The following AP2B1 variants were observed in gnomAD, a reference collection of about 807,000 sequenced individuals.
AP2B1 encodes the protein adaptor related protein complex 2 subunit beta 1.
AP2B1 carries 23 observed loss-of-function variants against 102.0 expected under a neutral mutation model. The observed-to-expected ratio is 0.23, with a 90% CI of 0.16 to 0.32. The LOEUF (loss-of-function observed/expected upper bound fraction) is 0.32, where lower values mean the gene tolerates loss of function less well. Among genes scored for constraint, AP2B1 ranks in the 10% least tolerant of loss-of-function variants. The probability of loss-of-function intolerance (pLI) is 1.00; values close to 1 mark genes in which losing one functional copy is unlikely to be tolerated. For synonymous variants in AP2B1, 381 were observed against 421.2 expected, an observed-to-expected ratio of 0.90 and a Z score of 1.17; for missense variants, 541 against 1,157.4, an observed-to-expected ratio of 0.47 and a Z score of 7.73.
Position 35,626,637 on chromosome 17 carries a change from A to G in AP2B1, c.733A>G (p.Thr245Ala). Residue 245 changes from threonine (T) to alanine (A), a missense_variant, in exon 7 of 22, where the codon ACT becomes GCT. Coordinates refer to ENST00000610402, the MANE Select transcript of AP2B1 (RefSeq NM_001030006.2). ...CACCCTCAGCATCTGTGAGCGGGTA[A>G]CTCCCCGGCTATCCCATGCCAACTC... ...REAQSICERVTPRLSHANSAV... is the reference protein window; with the variant it reads ...REAQSICERVAPRLSHANSAV... The G allele has an allele frequency of 6.2e-7, 1 of 1,612,030 alleles. No homozygotes were observed.
chr17:35,639,469 C>A, intron 10 of AP2B1, 126 bp from the exon 11 acceptor site: 1 of 708,080 alleles, frequency 1.4e-6, no homozygotes, highest in Non-Finnish European at 2.2e-6. Flanking sequence ...ATTCTCTTGA[C>A]TAAAAGCTTT....
chr17:35,708,914 G>A (rs764119463), intron 18 of AP2B1, among the ~76,000 whole-genome samples: 1 of 152,130 alleles, frequency 6.6e-6, no homozygotes, highest in Non-Finnish European at 1.5e-5. Context: ...AACTTAGTAA[G>A]TGGTAGCAGC....
At chr17:35,713,664 A>T (rs2143009728) in intron 20 of AP2B1, 1 of 152,352 alleles carries the variant, frequency 6.6e-6, no homozygotes, top group East Asian at 1.9e-4. Flanking sequence ...TGAGGGCTAC[A>T]GGAAGTCACA....
In AP2B1 at chr17:35,694,427, A is replaced by ATTTTTTTTTTTTTTTT. The variant is rs1555581002; in HGVS notation, c.2454+11609_2454+11610insTTTTTTTTTTTTTTTT. 7.9e-5 allele frequency among the ~76,000 whole-genome samples: 9 copies of ATTTTTTTTTTTTTTTT among 114,546 alleles called. 1 individual carries two copies. Among genetic ancestry groups the ATTTTTTTTTTTTTTTT allele is most frequent in the Non-Finnish European group, 1.2e-4 (7 of 56,982 alleles). 75.1% of individuals were successfully genotyped at this position (114,546 alleles called of 152,430 possible). On this transcript the variant is annotated intron_variant, in intron 18 of 21. Coordinates refer to ENST00000610402, the MANE Select transcript of AP2B1 (RefSeq NM_001030006.2). ...CCTAGCTGACTTTTTTTTTTTTTTA[A>ATTTTTTTTTTTTTTTT]TTTTTTAATTTTTTGTAGAGTTGAG...
In AP2B1 at chr17:35,725,991, C is replaced by T. The variant is rs1384543148; in HGVS notation, c.*2292C>T. ...CAGAGTTAGGGAGGAATTCTACTTC[C>T]CATAAAAGGACCTCTCCTGAGAGGC... is the stretch of plus-strand genomic sequence containing the variant. On this transcript the variant is annotated 3_prime_UTR_variant, in exon 22 of 22. Coordinates refer to ENST00000610402, the MANE Select transcript of AP2B1 (RefSeq NM_001030006.2). 1.3e-5 allele frequency: 2 copies of T among 152,144 alleles called. No individual in the cohort carries two copies. The highest frequency in any genetic ancestry group is 2.9e-5 in the Non-Finnish European group (2 of 68,032). The allele number at this position is 152,144 out of a possible 1,614,324, so 9.4% of individuals were successfully genotyped here.
intron 9 of AP2B1, among the ~76,000 whole-genome samples, chr17:35,628,051 T>A (rs977360876): frequency 1.3e-5 from 2 of 152,212 alleles, no homozygotes. Context: ...GATGGTTTTG[T>A]CTGTACTGAA....
chr17:35,589,214 C>A (rs892643317), intron 1 of AP2B1, among the ~76,000 whole-genome samples: 6 of 152,156 alleles, frequency 3.9e-5, no homozygotes, highest in Non-Finnish European at 8.8e-5. Context: ...ATGCTATTGT[C>A]TTTGCATTAT....
intron 5 of AP2B1, among the ~76,000 whole-genome samples, chr17:35,619,741 A>G (rs1220707615): frequency 6.6e-6 from 1 of 152,132 alleles, no homozygotes; most frequent in Non-Finnish European, 1.5e-5. Context: ...AATTTACCAT[A>G]ATTGGGAGGC....
intron 6 of AP2B1, 70 bp from the exon 7 acceptor site, chr17:35,626,551 A>G (rs767729429): frequency 6.9e-6 from 9 of 1,301,918 alleles, no homozygotes; most frequent in South Asian, 2.6e-5. Context: ...ACTCTGACAT[A>G]TTACCTTATA....
intron 6 of AP2B1, 37 bp downstream of exon 6, chr17:35,624,624 G>A (rs1309693354): frequency 6.3e-7 from 1 of 1,585,256 alleles, no homozygotes. Flanking sequence ...TGGTAGTCTT[G>A]CCTGATGCAG....
chr17:35,725,759 C>T lies in AP2B1; in HGVS notation c.*2060C>T, dbSNP rs1329992253. 1.2e-4 allele frequency: 19 copies of T among 152,616 alleles called. No homozygotes were observed. Among genetic ancestry groups the T allele is most frequent in the African/African-American group, 4.6e-4 (19 of 41,422 alleles). The allele number at this position is 152,616 out of a possible 1,614,324, so 9.5% of individuals were successfully genotyped here. A position where few individuals can be genotyped will look rare whatever the true frequency, so the allele number is the denominator to read the frequency against. On this transcript the variant is annotated 3_prime_UTR_variant, in exon 22 of 22. Coordinates refer to ENST00000610402, the MANE Select transcript of AP2B1 (RefSeq NM_001030006.2). ...TGCAAATAGTGTTCTCATCTCAAAG[C>T]AAACTATCATTCCAGAAGGAAAAGT...
At chr17:35,632,396 A>C (rs2074488393) in intron 9 of AP2B1, among the ~76,000 whole-genome samples, 1 of 152,158 alleles carries the variant, frequency 6.6e-6, no homozygotes. Context: ...TGGCCTCCCA[A>C]AATGCTAGGA....
intron 14 of AP2B1, among the ~76,000 whole-genome samples, chr17:35,663,149 A>C (rs185300224): frequency 1.8e-4 from 27 of 152,306 alleles, no homozygotes; most frequent in Non-Finnish European, 3.2e-4. Context: ...GGAGCTTTGC[A>C]ATGACTTAAA....
At chr17:35,701,834 T>C (rs2076245024) in intron 18 of AP2B1, among the ~76,000 whole-genome samples, 7 of 152,204 alleles carry the variant, frequency 4.6e-5, no homozygotes, top group Admixed American at 4.6e-4. Flanking sequence ...CCCAAGCTTG[T>C]CTCGAACTCC....
At chr17:35,613,310 C>T (rs1008522746) in intron 5 of AP2B1, among the ~76,000 whole-genome samples, 44 of 151,066 alleles carry the variant, frequency 2.9e-4, no homozygotes, top group Non-Finnish European at 5.6e-4. Context: ...AAATGTTGGT[C>T]GAGGGCTGAA....
At chr17:35,702,864 T>A (rs868365066) in intron 18 of AP2B1, among the ~76,000 whole-genome samples, 2 of 152,160 alleles carry the variant, frequency 1.3e-5, no homozygotes, top group East Asian at 3.8e-4. Flanking sequence ...ATTAAAAAAA[T>A]TTTTGAAAAT....
At chr17:35,607,132 T>TGAC (rs2073706511) in intron 4 of AP2B1, among the ~76,000 whole-genome samples, 1 of 152,178 alleles carries the variant, frequency 6.6e-6, no homozygotes, top group East Asian at 1.9e-4. Flanking sequence ...CTCGAACTCC[T>TGAC]GACCTCAGGT....
intron 18 of AP2B1, among the ~76,000 whole-genome samples, chr17:35,707,042 T>C (rs896813365): frequency 4.6e-5 from 7 of 152,110 alleles, no homozygotes; most frequent in Non-Finnish European, 8.8e-5. Flanking sequence ...TTCTCCTCCC[T>C]TACCTGCCAA....
intron 3 of AP2B1, among the ~76,000 whole-genome samples, chr17:35,602,004 C>T (rs930742416): frequency 3.3e-5 from 5 of 152,050 alleles, no homozygotes; most frequent in African/African-American, 9.7e-5. Flanking sequence ...CTCAAACTCC[C>T]GAAAAATTGT....
Sources: gnomAD v4.1 joint callset for allele counts (sites outside exome capture counted in the v4.1 genomes callset) on GRCh38, gnomAD v4.1.1 for gene constraint, MANE v1.5 for transcripts, NCBI Gene and HGNC (gene_info 2026-07-23, HGNC 2026-07-21) for gene names.